The following SLC44A1 variants were observed in gnomAD, a reference collection of about 807,000 sequenced individuals.
The protein encoded by SLC44A1 is choline transporter-like protein 1.
SLC44A1 carries 26 observed loss-of-function variants against 79.3 expected under a neutral mutation model. The observed-to-expected ratio is 0.33, with a 90% CI of 0.24 to 0.46. The LOEUF is 0.46. Among genes scored for constraint, SLC44A1 ranks in the 20% least tolerant of loss-of-function variants. The pLI is 1.00. For synonymous variants in SLC44A1, 263 were observed against 286.2 expected (o/e 0.92, Z 0.82); for missense variants, 688 against 798.1 (o/e 0.86, Z 1.66).
intron 2 of SLC44A1, chr9:105,299,642 C>G (rs1830824467): frequency 2.9e-6 from 1 of 341,662 alleles, no homozygotes. Flanking sequence ...TGTTGGTTAT[C>G]TTTAGGGCAG....
chr9:105,424,927 C>A (rs1829299959), intron 15 of SLC44A1, among the ~76,000 whole-genome samples: 3 of 136,400 alleles, frequency 2.2e-5, no homozygotes, highest in Admixed American at 7.6e-5. Flanking sequence ...CCAGCCTGGG[C>A]AACAGAGTAA....
chr9:105,303,603 C>T (rs760580317), intron 2 of SLC44A1, among the ~76,000 whole-genome samples: 6 of 152,168 alleles, frequency 3.9e-5, no homozygotes, highest in Non-Finnish European at 8.8e-5. Flanking sequence ...TATCACATTC[C>T]CATTTTACAG....
intron 1 of SLC44A1, among the ~76,000 whole-genome samples, chr9:105,280,495 G>A (rs558549315): frequency 2.0e-5 from 3 of 152,284 alleles, no homozygotes; most frequent in Admixed American, 2.0e-4. Context: ...ATAGACCATA[G>A]TATAAATAAG....
intron 15 of SLC44A1, among the ~76,000 whole-genome samples, chr9:105,414,365 G>GT (rs900354249): frequency 2.0e-5 from 3 of 152,106 alleles, no homozygotes; most frequent in Non-Finnish European, 4.4e-5. Context: ...GACAGTTAGT[G>GT]TTTTTTAGCT....
At chr9:105,353,432 G>GA (rs34301462) in intron 5 of SLC44A1, among the ~76,000 whole-genome samples, 12 of 151,662 alleles carry the variant, frequency 7.9e-5, no homozygotes, top group Middle Eastern at 3.4e-3. Flanking sequence ...AATTTGAAAA[G>GA]AAAAAAAACA....
chr9:105,268,584 A>G (rs927094364), intron 1 of SLC44A1, among the ~76,000 whole-genome samples: 12 of 151,824 alleles, frequency 7.9e-5, no homozygotes, highest in East Asian at 1.9e-4. Flanking sequence ...GCTCACTGCA[A>G]CCTCCACCTC....
Position 105,335,714 on chromosome 9 carries a change from C to T in SLC44A1, c.406+15C>T. The T allele has an allele frequency of 6.2e-7, 1 of 1,607,710 alleles. No individual in the cohort carries two copies. Among genetic ancestry groups the T allele is most frequent in the Non-Finnish European group, 8.5e-7 (1 of 1,176,726 alleles). ...AGAGATAAATGGTGAGACATTAGGC[C>T]ATCCAAATCTATGTCCTGTCACCTT... On this transcript the variant is annotated intron_variant, in intron 4 of 15. Transcript: ENST00000374720.
At chr9:105,289,618 A>C (rs780100374) in intron 1 of SLC44A1, among the ~76,000 whole-genome samples, 37 of 152,188 alleles carry the variant, frequency 2.4e-4, no homozygotes, top group Non-Finnish European at 1.3e-4. Flanking sequence ...CTGTCGTAGA[A>C]CTGAACACAT....
intron 2 of SLC44A1, among the ~76,000 whole-genome samples, chr9:105,308,535 A>G (rs554581338): frequency 3.3e-5 from 5 of 152,264 alleles, no homozygotes; most frequent in African/African-American, 1.2e-4. Context: ...TAGCTCCCTT[A>G]CCTGCACAAT....
intron 15 of SLC44A1, among the ~76,000 whole-genome samples, chr9:105,425,552 G>A (rs1429849854): frequency 6.6e-6 from 1 of 152,234 alleles, no homozygotes; most frequent in Non-Finnish European, 1.5e-5. Context: ...GCCAGGTGTA[G>A]TGGCTCACGC....
chr9:105,414,198 G>A (rs1829137486), intron 15 of SLC44A1, among the ~76,000 whole-genome samples: 1 of 152,090 alleles, frequency 6.6e-6, no homozygotes, highest in South Asian at 2.1e-4. Context: ...AAGTAGCTGG[G>A]ATTACAGGCA....
At chr9:105,431,878 G>T (rs1829402720) in intron 15 of SLC44A1, among the ~76,000 whole-genome samples, 1 of 152,140 alleles carries the variant, frequency 6.6e-6, no homozygotes, top group Non-Finnish European at 1.5e-5. Flanking sequence ...CAAACTACTT[G>T]CAGCAAAGTT....
intron 5 of SLC44A1, among the ~76,000 whole-genome samples, chr9:105,349,755 G>A (rs1827348126): frequency 6.6e-6 from 1 of 152,116 alleles, no homozygotes; most frequent in Non-Finnish European, 1.5e-5. Context: ...TATATTCTTT[G>A]AATATAGAAT....
At chr9:105,402,048 A>G (rs188971240), downstream of SLC44A1, among the ~76,000 whole-genome samples, 1 of 152,348 alleles carries the variant, frequency 6.6e-6, no homozygotes, top group East Asian at 1.9e-4. Context: ...TGGCACTCAT[A>G]TAGCAACATG....
chr9:105,417,410 C>T (rs1218180115), intron 15 of SLC44A1, among the ~76,000 whole-genome samples: 1 of 152,132 alleles, frequency 6.6e-6, no homozygotes, highest in African/African-American at 2.4e-5. Flanking sequence ...CTCCCTCCTG[C>T]TTGGTCTTCA....
At position 105,435,878 on chromosome 9, in the gene SLC44A1, G is replaced by T. The variant is rs369449530; in HGVS notation, c.1951-2403G>T. Among the ~76,000 whole-genome samples the T allele has an allele frequency of 2.1e-3, 323 of 152,326 alleles. 3 individuals are homozygous for T. Among genetic ancestry groups the T allele is most frequent in the African/African-American group, 7.4e-3 (306 of 41,566 alleles). On this transcript the variant is annotated intron_variant, in intron 15 of 15. Transcript: ENST00000374724. Reference sequence around the variant, plus strand: ...TCTATATTATCTTTGCAACTTTTCTGTAAACCTAAAACTATTCTAAAATTA... The same window carrying T: ...TCTATATTATCTTTGCAACTTTTCTTTAAACCTAAAACTATTCTAAAATTA...
intron 15 of SLC44A1, among the ~76,000 whole-genome samples, chr9:105,418,750 C>T (rs906492577): frequency 6.6e-6 from 1 of 152,220 alleles, no homozygotes; most frequent in Non-Finnish European, 1.5e-5. Context: ...TTGTGCCTGA[C>T]TGGCCTGCCC....
chr9:105,294,448 G>A (rs951032689), intron 1 of SLC44A1, among the ~76,000 whole-genome samples: 1 of 151,302 alleles, frequency 6.6e-6, no homozygotes, highest in South Asian at 2.1e-4. Context: ...GGGGTTGGTA[G>A]TTGTTTTTTT....
At chr9:105,385,773 T>C (rs562395000) in intron 15 of SLC44A1, 19 of 985,444 alleles carry the variant, frequency 1.9e-5, no homozygotes, top group Middle Eastern at 1.0e-3. Flanking sequence ...GTTTTTTCCC[T>C]AAGGTAAAAC....
Sources: gnomAD v4.1 joint callset for allele counts (sites outside exome capture counted in the v4.1 genomes callset) on GRCh38, gnomAD v4.1.1 for gene constraint, MANE v1.5 for transcripts, NCBI Gene and HGNC (gene_info 2026-07-23, HGNC 2026-07-21) for gene names.